KANK2: variants seen among roughly 807,000 people sequenced by gnomAD.
KANK2 encodes the protein KN motif and ankyrin repeat domain-containing protein 2.
A neutral mutation model predicts 74.6 loss-of-function variants in KANK2; 41 were observed. The ratio of observed to expected loss-of-function variants is 0.55; its 90% CI spans 0.43 to 0.71. KANK2 has a LOEUF of 0.71. Among genes scored for constraint, KANK2 ranks in the 30% least tolerant of loss-of-function variants. KANK2 has a pLI of 0.00. For missense variants in KANK2, 1,148 were observed against 1,196.4 expected (o/e 0.96, Z 0.60); for synonymous variants, 537 against 519.0 (o/e 1.03, Z -0.47).
chr19:11,178,921 A>G (rs2078431495), intron 4 of KANK2, among the ~76,000 whole-genome samples: 1 of 152,210 alleles, frequency 6.6e-6, no homozygotes, highest in African/African-American at 2.4e-5. Context: ...TAACCCCTTG[A>G]GCAGGTGGCA....
intron 4 of KANK2, among the ~76,000 whole-genome samples, chr19:11,184,839 C>T (rs60130770): frequency 0.022 from 3,167 of 145,602 alleles, 250 homozygotes; most frequent in African/African-American, 0.075. Context: ...GAGATGAAGT[C>T]TCGCTCTTGT....
intron 4 of KANK2, among the ~76,000 whole-genome samples, chr19:11,184,752 C>T (rs943171633): frequency 4.1e-5 from 6 of 148,024 alleles, no homozygotes; most frequent in Non-Finnish European, 7.5e-5. Context: ...ACTAGAGCAG[C>T]GCCTAAATCC....
chr19:11,179,506 G>C (rs957422090), intron 4 of KANK2, among the ~76,000 whole-genome samples: 2 of 139,500 alleles, frequency 1.4e-5, no homozygotes, highest in Admixed American at 1.5e-4. Flanking sequence ...GCGTGGTGGG[G>C]GGATGCCTGT....
rs762959202 is a variant in KANK2, at chr19:11,170,050, G to C, written c.2410C>G (p.Arg804Gly). 6.2e-7 allele frequency: 1 copy of C among 1,613,110 alleles called. No homozygotes were observed. Among genetic ancestry groups the C allele is most frequent in the Non-Finnish European group, 8.5e-7 (1 of 1,179,186 alleles). Residue 804 changes from arginine (R) to glycine (G), a missense_variant and splice_region_variant, in exon 11 of 13, where the codon CGC (arginine) becomes GGC (glycine). Arg to Gly is a moderately radical substitution (Grantham distance 125). Coordinates refer to ENST00000586659, the MANE Select transcript of KANK2 (RefSeq NM_001136191.3). The surrounding 1 kb of genome is among the most constrained non-coding windows in gnomAD (Gnocchi z 5.2). ...GGTGCACCTGGTTGGAGACTCACGC[G>C]ATCTGTGAGTGAGATGTCACAGCTG... is the stretch of plus-strand genomic sequence containing the variant. The part of the protein sequence containing the change: ...VPSCDISLTD[R>G]DGSTALMVAL...
intron 4 of KANK2, among the ~76,000 whole-genome samples, chr19:11,183,328 G>A (rs2078582765): frequency 6.6e-6 from 1 of 152,196 alleles, no homozygotes; most frequent in Non-Finnish European, 1.5e-5. Context: ...GTGGTTTTAG[G>A]AGAAGCAGCT....
chr19:11,177,151 A>G (rs1028116154), intron 6 of KANK2, among the ~76,000 whole-genome samples: 3 of 138,036 alleles, frequency 2.2e-5, no homozygotes, highest in African/African-American at 8.4e-5. Context: ...GCTGGAGTAC[A>G]GTGGCACTCA....
Position 11,173,043 on chromosome 19 carries a change from C to G in KANK2, c.2149G>C (p.Asp717His), listed in dbSNP as rs769617642. The G allele has an allele frequency of 1.2e-6, 2 of 1,614,128 alleles. No homozygotes were observed. Among genetic ancestry groups the G allele is most frequent in the East Asian group, 4.5e-5 (2 of 44,884 alleles). ...LTALATLKTQDDIETVLQLFR... is the reference protein window; with the variant it reads ...LTALATLKTQHDIETVLQLFR... ...AGCTGAAGGACAGTCTCGATGTCGTCCTGGGTCTTCAGGGTGGCCAGGGCG... is the reference window on the plus strand; with the variant it reads ...AGCTGAAGGACAGTCTCGATGTCGTGCTGGGTCTTCAGGGTGGCCAGGGCG... The change falls in exon 10 of 13, where the codon GAC becomes CAC. Residue 717 changes from aspartate to histidine, a missense_variant. By Grantham distance (81) the Asp-to-His change is moderately conservative. Transcript: ENST00000586659.
intron 8 of KANK2, among the ~76,000 whole-genome samples, chr19:11,175,473 A>G (rs2147438339): frequency 6.7e-6 from 1 of 150,066 alleles, no homozygotes; most frequent in East Asian, 1.9e-4. Flanking sequence ...TTTTGTAGAA[A>G]TGGGGTCTCA....
intron 4 of KANK2, among the ~76,000 whole-genome samples, chr19:11,188,735 G>A (rs539276166): frequency 1.4e-3 from 217 of 151,962 alleles, no homozygotes; most frequent in Middle Eastern, 6.8e-3. Flanking sequence ...TGTAATCCCA[G>A]CACTTTGGGA....
intron 6 of KANK2, among the ~76,000 whole-genome samples, chr19:11,177,847 A>G (rs2078389780): frequency 6.6e-6 from 1 of 151,602 alleles, no homozygotes. Context: ...GCCTTTACCC[A>G]CGCTGTGCCC....
At chr19:11,171,615 T>G (rs541480796) in intron 10 of KANK2, among the ~76,000 whole-genome samples, 1 of 152,024 alleles carries the variant, frequency 6.6e-6, no homozygotes, top group East Asian at 1.9e-4. Context: ...CTCAAGCAAT[T>G]TATCCCGCTT....
chr19:11,172,970 G>A lies in KANK2; in HGVS notation c.2211+11C>T, dbSNP rs773196270. On this transcript the variant is annotated intron_variant, in intron 10 of 12. Coordinates refer to ENST00000586659, the MANE Select transcript of KANK2 (RefSeq NM_001136191.3). ...AGCCACCTGGATCTGCAGCAGCCGGGGTCCCCATACCTGGCTGGCTTTGGC... is the reference window on the plus strand; with the variant it reads ...AGCCACCTGGATCTGCAGCAGCCGGAGTCCCCATACCTGGCTGGCTTTGGC... The A allele has an allele frequency of 2.5e-6, 4 of 1,611,086 alleles. No individual in the cohort carries two copies. The highest frequency in any genetic ancestry group is 3.4e-5 in the Admixed American group (2 of 59,430).
At chr19:11,181,236 T>TTTATTATTATTATTATTA (rs200654235) in intron 4 of KANK2, among the ~76,000 whole-genome samples, 2 of 148,036 alleles carry the variant, frequency 1.4e-5, no homozygotes, top group African/African-American at 5.0e-5. Flanking sequence ...GTTGTCAAGA[T>TTTATTATTATTATTATTA]TTATTATTAT....
chr19:11,179,497 C>T lies in KANK2; in HGVS notation c.1250-777G>A, dbSNP rs544514572. Among the ~76,000 whole-genome samples the T allele has an allele frequency of 7.6e-4, 108 of 143,046 alleles. 1 individual carries two copies. Among genetic ancestry groups the T allele is most frequent in the African/African-American group, 2.6e-3 (101 of 38,622 alleles). The allele number at this position is 143,046 out of a possible 152,430, so 93.8% of individuals were successfully genotyped here. On this transcript the variant is annotated intron_variant, in intron 4 of 12. Transcript: ENST00000586659. ...ACTAAATATACAAAAATTAGCTGGG[C>T]GTGGTGGGGGGATGCCTGTAATCCC...
intron 8 of KANK2, among the ~76,000 whole-genome samples, 168 bp downstream of exon 8, chr19:11,175,734 C>T (rs1157136063): frequency 6.6e-6 from 1 of 152,194 alleles, no homozygotes; most frequent in Non-Finnish European, 1.5e-5. Flanking sequence ...TCCCTGGCCT[C>T]TCTCCGAGGC....
rs578192834 is a variant in KANK2 at position 11,174,683 on chromosome 19, A to G, written c.1858T>C (p.Tyr620His). 26 of 1,601,784 alleles carry G rather than the reference A, an allele frequency of 1.6e-5. No individual in the cohort carries two copies. The Admixed American group carries it at 3.6e-4, about 22-fold the overall frequency. The change falls in exon 9 of 13, where the codon TAC (tyrosine) becomes CAC (histidine). Residue 620 changes from tyrosine to histidine, a missense_variant. Coordinates refer to ENST00000586659, the MANE Select transcript of KANK2 (RefSeq NM_001136191.3). The stretch of plus-strand genomic sequence containing the variant: ...AGCCACTCCTGCAGCACTGTGGTGT[A>G]GGCCACTTTCTGCATGCGAGTCAGG... ...ALTERELKVAYTTVLQEWLRL... is the reference protein window; with the variant it reads ...ALTERELKVAHTTVLQEWLRL...
rs2078277501 is a variant in KANK2 at position 11,174,590 on chromosome 19, T to C, written c.1951A>G (p.Met651Val). 3 of 1,613,254 alleles carry C rather than the reference T, an allele frequency of 1.9e-6. No individual in the cohort carries two copies. Among genetic ancestry groups the C allele is most frequent in the Non-Finnish European group, 2.5e-6 (3 of 1,179,828 alleles). Residue 651 changes from methionine to valine, a missense_variant, in exon 9 of 13, where the codon ATG becomes GTG. Physicochemically the swap from Met to Val is conservative, Grantham distance 21. Coordinates refer to ENST00000586659, the MANE Select transcript of KANK2 (RefSeq NM_001136191.3). ...ACGTAGTCCAGCAGCCGCGCAGACATGGCCCGGAACGTGACCAGGTGCCGC... is the reference window on the plus strand; with the variant it reads ...ACGTAGTCCAGCAGCCGCGCAGACACGGCCCGGAACGTGACCAGGTGCCGC... ...VRRHLVTFRA[M>V]SARLLDYVVN...
chr19:11,193,293 C>G lies in KANK2; in HGVS notation c.787G>C (p.Glu263Gln), dbSNP rs748917149. The change falls in exon 4 of 13, where the codon GAG becomes CAG. Residue 263 changes from glutamate to glutamine, a missense_variant. Coordinates refer to ENST00000586659, the MANE Select transcript of KANK2 (RefSeq NM_001136191.3). This position sits in a 1 kb window ranked among gnomAD's most constrained non-coding sequence, Gnocchi z 9.6. ...PDPPEDPVAL[E>Q]TRSVGTWVRE... The stretch of plus-strand genomic sequence containing the variant: ...ACCCAGGTGCCCACACTCCGGGTCT[C>G]CAGTGCCACTGGGTCCTCTGGGGGA... The G allele has an allele frequency of 3.7e-6, 6 of 1,612,054 alleles. No homozygotes were observed. The Admixed American group carries it at 5.0e-5, about 13-fold the overall frequency.
chr19:11,173,082 G>A lies in KANK2; in HGVS notation c.2110C>T (p.Pro704Ser), dbSNP rs765607833. 1.2e-6 allele frequency: 2 copies of A among 1,614,072 alleles called. No homozygotes were observed. The highest frequency in any genetic ancestry group is 1.1e-5 in the South Asian group (1 of 91,078). ...GTGGCCAGGGCGGTGAGCATAATAG[G>A]GCTGTAGCCAGCACGGTTCTGTTTG... ...VDKQNRAGYS[P>S]IMLTALATLK... The change falls in exon 10 of 13, where the codon CCT becomes TCT. Residue 704 changes from proline to serine, a missense_variant. By Grantham distance (74) the Pro-to-Ser change is moderately conservative. Transcript: ENST00000586659.
Sources: allele counts gnomAD v4.1 joint callset (sites outside exome capture counted in the v4.1 genomes callset), GRCh38; gene constraint gnomAD v4.1.1; non-coding constraint Gnocchi (gnomAD v3.1); transcripts MANE v1.5; gene names NCBI Gene and HGNC (gene_info 2026-07-23, HGNC 2026-07-21).